Variants in CCDC77 observed in about 807,000 individuals in gnomAD.
CCDC77 encodes the protein coiled-coil domain containing 77.
In CCDC77, 56 loss-of-function variants were observed where a neutral mutation model predicts 66.8. The ratio of observed to expected loss-of-function variants is 0.84; its 90% CI spans 0.68 to 1.05. The LOEUF (loss-of-function observed/expected upper bound fraction) is 1.05, where lower values mean the gene tolerates loss of function less well. CCDC77 is among the 50% of genes least tolerant of loss of function. The pLI, the probability that CCDC77 is intolerant of heterozygous loss-of-function variation, is 0.00. For synonymous variants in CCDC77, 196 were observed against 195.2 expected, an observed-to-expected ratio of 1.00 and a Z score of -0.03; for missense variants, 570 against 576.8, an observed-to-expected ratio of 0.99 and a Z score of 0.12.
In CCDC77 at chr12:433,170, C is replaced by G; in HGVS notation, c.673-4C>G. On this transcript the variant is annotated splice_polypyrimidine_tract_variant and splice_region_variant and intron_variant, in intron 8 of 12. Coordinates refer to ENST00000239830, the MANE Select transcript of CCDC77 (RefSeq NM_032358.4). ...GATTCCTCACCCCTTTTTGGCCTGT[C>G]TAGGTGGAAGCACTGCAGGCTCAGC... 1.2e-6 allele frequency: 2 copies of G among 1,611,358 alleles called. No individual in the cohort carries two copies. Among genetic ancestry groups the G allele is most frequent in the South Asian group, 2.2e-5 (2 of 90,818 alleles).
intron 5 of CCDC77, among the ~76,000 whole-genome samples, chr12:425,241 G>A (rs1238662873): frequency 1.3e-5 from 2 of 150,618 alleles, no homozygotes; most frequent in African/African-American, 2.5e-5. Flanking sequence ...TCGCCACGTG[G>A]GTTTTTGGTG....
At chr12:433,144 G>A (rs1945681375) in intron 8 of CCDC77, 30 bp from the exon 9 acceptor site, 2 of 1,589,848 alleles carry the variant, frequency 1.3e-6, no homozygotes, top group Non-Finnish European at 1.7e-6. Context: ...AAGTAGGGCT[G>A]GATTCCTCAC....
intron 6 of CCDC77, 100 bp downstream of exon 6, chr12:428,965 G>A (rs1945590385): frequency 7.4e-6 from 5 of 674,222 alleles, no homozygotes; most frequent in Non-Finnish European, 1.0e-5. Flanking sequence ...GAAGGCAGAT[G>A]GAGAATTAGC....
At chr12:431,299 G>T (rs908363240) in intron 7 of CCDC77, among the ~76,000 whole-genome samples, 1 of 146,158 alleles carries the variant, frequency 6.8e-6, no homozygotes, top group Non-Finnish European at 1.5e-5. Context: ...GCTCATTGCT[G>T]CCTCTGCCTC....
chr12:428,491 A>G lies in CCDC77; in HGVS notation c.414-278A>G, dbSNP rs934616537. ...GCACCATTGCACTCCAGCCTGGACA[A>G]CAGAGCGAGACTCTGTCTCAAAAAA... is the stretch of plus-strand genomic sequence containing the variant. On this transcript the variant is annotated intron_variant, in intron 5 of 12. Transcript: ENST00000239830. 1.9e-4 allele frequency among the ~76,000 whole-genome samples: 28 copies of G among 144,670 alleles called. No homozygotes were observed. The East Asian group carries it at 2.4e-3, about 13-fold the overall frequency. The allele number at this position is 144,670 out of a possible 152,430, so 94.9% of individuals were successfully genotyped here.
intron 2 of CCDC77, among the ~76,000 whole-genome samples, chr12:409,128 C>T (rs1470052021): frequency 1.3e-5 from 2 of 151,408 alleles, no homozygotes; most frequent in Non-Finnish European, 2.9e-5. Context: ...TCGCTTGAAC[C>T]CAGAAGGCAG....
intron 4 of CCDC77, among the ~76,000 whole-genome samples, chr12:413,491 G>A (rs1396617029): frequency 4.6e-5 from 7 of 151,936 alleles, no homozygotes; most frequent in African/African-American, 9.7e-5. Flanking sequence ...CACCCGCCTC[G>A]GCCTCCTAAA....
rs150557410 is a variant in CCDC77, at chr12:438,847, T to C, written c.1041+293T>C. The stretch of plus-strand genomic sequence containing the variant: ...ACTTTGGGAGGCCTAGGTGGGCAAA[T>C]CGTGAGGTCAGGAGTTCAAGACCAG... On this transcript the variant is annotated intron_variant, in intron 10 of 12. Transcript: ENST00000239830. 2.8e-3 allele frequency among the ~76,000 whole-genome samples: 425 copies of C among 151,258 alleles called. 3 individuals are homozygous for C. Among genetic ancestry groups the C allele is most frequent in the African/African-American group, 0.01 (412 of 41,174 alleles).
chr12:440,311 A>G (rs1251977694), intron 10 of CCDC77, among the ~76,000 whole-genome samples: 1 of 152,252 alleles, frequency 6.6e-6, no homozygotes, highest in Non-Finnish European at 1.5e-5. Flanking sequence ...AACTTTAGAA[A>G]TGTAGCCCAA....
intron 5 of CCDC77, among the ~76,000 whole-genome samples, chr12:419,478 A>C (rs4406877): frequency 0.04 from 4,295 of 107,218 alleles, 140 homozygotes; most frequent in African/African-American, 0.13. Flanking sequence ...ATAGCAGCAC[A>C]CTCCATGTTC....
rs1489748870 is a variant in CCDC77 at position 433,332 on chromosome 12, T to C, written c.821+10T>C. The C allele has an allele frequency of 6.2e-7, 1 of 1,613,612 alleles. No homozygotes were observed. Among genetic ancestry groups the C allele is most frequent in the Admixed American group, 1.7e-5 (1 of 59,822 alleles). ...AAGAGCTAACCAAAAAGTGAGTGTC[T>C]AAGAAAGCTGTACCTAACGGGTATT... On this transcript the variant is annotated intron_variant, in intron 9 of 12. Transcript: ENST00000239830.
In CCDC77 at chr12:412,076, T is replaced by C. The variant is rs942177828; in HGVS notation, c.270+98T>C. The stretch of plus-strand genomic sequence containing the variant: ...GTTTATATCAGAAGCAGATGTTTTA[T>C]AAAAATACTCCTTTTTTATTCCCCA... On this transcript the variant is annotated intron_variant, in intron 4 of 12. Transcript: ENST00000239830. 4.5e-6 allele frequency: 4 copies of C among 891,768 alleles called. No individual in the cohort carries two copies. In the African/African-American group the frequency reaches 6.8e-5, roughly 15 times the overall value. The allele number at this position is 891,768 out of a possible 1,614,324, so 55.2% of individuals were successfully genotyped here.
Position 415,310 on chromosome 12 carries a change from TATGTTAATATAATC to T in CCDC77, c.271-3182_271-3169del, listed in dbSNP as rs1945207550. On this transcript the variant is annotated intron_variant, in intron 4 of 12. Coordinates refer to ENST00000239830, the MANE Select transcript of CCDC77 (RefSeq NM_032358.4). ...TATGTTAATATAATCAACATAATATTATGTTAATATAATCAACATAATATTATGTTAATATAATC... is the reference window on the plus strand; with the variant it reads ...TATGTTAATATAATCAACATAATATTAACATAATATTATGTTAATATAATC... Among the ~76,000 whole-genome samples, 4 of 107,862 alleles carry T rather than the reference TATGTTAATATAATC, an allele frequency of 3.7e-5. 1 individual carries two copies. Among genetic ancestry groups the T allele is most frequent in the Non-Finnish European group, 7.6e-5 (4 of 52,676 alleles). The allele number at this position is 107,862 out of a possible 152,430, so 70.8% of individuals were successfully genotyped here. A position where few individuals can be genotyped will look rare whatever the true frequency, so the allele number is the denominator to read the frequency against.
At position 419,551 on chromosome 12, in the gene CCDC77, C is replaced by A. The variant is rs10848949; in HGVS notation, c.413+915C>A. Among the ~76,000 whole-genome samples the A allele has an allele frequency of 3.3e-3, 131 of 39,786 alleles. 1 individual carries two copies. Among genetic ancestry groups the A allele is most frequent in the African/African-American group, 8.8e-3 (73 of 8,266 alleles). 26.1% of individuals were successfully genotyped at this position (39,786 alleles called of 152,430 possible). A position where few individuals can be genotyped will look rare whatever the true frequency, so the allele number is the denominator to read the frequency against. On this transcript the variant is annotated intron_variant, in intron 5 of 12. Coordinates refer to ENST00000239830, the MANE Select transcript of CCDC77 (RefSeq NM_032358.4). ...AGAGGGTAAACACACATAGCAGCAC[C>A]CTCCATGCTCCATTACAGTGCTCTT...
At chr12:423,479 G>GTTTTTTTTTTTTTTTT (rs1289177296) in intron 5 of CCDC77, among the ~76,000 whole-genome samples, 3 of 21,242 alleles carry the variant, frequency 1.4e-4, no homozygotes, top group African/African-American at 4.8e-4. Flanking sequence ...TGTTTTTTGT[G>GTTTTTTTTTTTTTTTT]TTTTTTTTTG....
chr12:397,727 G>A (rs4980817), upstream of CCDC77, among the ~76,000 whole-genome samples: 112,131 of 151,360 alleles, frequency 0.74, 41,608 homozygotes, highest in East Asian at 0.83. Context: ...GCTCACTGCA[G>A]CCTCTGCCTC....
intron 2 of CCDC77, among the ~76,000 whole-genome samples, chr12:406,101 G>C (rs1228926842): frequency 2.0e-5 from 3 of 151,952 alleles, no homozygotes; most frequent in Admixed American, 1.3e-4. Flanking sequence ...GTAGAGACAG[G>C]GTTTTGCCAT....
intron 1 of CCDC77, among the ~76,000 whole-genome samples, chr12:405,209 G>A (rs1944970226): frequency 6.6e-6 from 1 of 152,232 alleles, no homozygotes; most frequent in Non-Finnish European, 1.5e-5. Context: ...CATATACTAT[G>A]TGATTCCATT....
At chr12:422,135 C>T (rs1217723816) in intron 5 of CCDC77, among the ~76,000 whole-genome samples, 1 of 83,200 alleles carries the variant, frequency 1.2e-5, no homozygotes, top group Non-Finnish European at 2.3e-5. Flanking sequence ...CACATAGCAG[C>T]ACACTCCATG....
Sources: allele counts gnomAD v4.1 joint callset (sites outside exome capture counted in the v4.1 genomes callset), GRCh38; gene constraint gnomAD v4.1.1; transcripts MANE v1.5; gene names NCBI Gene and HGNC (gene_info 2026-07-23, HGNC 2026-07-21).